TNXB: variants seen among roughly 807,000 people sequenced by gnomAD.
The protein encoded by TNXB is tenascin-X.
Under a neutral mutation model 340.5 loss-of-function variants are expected in TNXB, and 183 were observed. The ratio of observed to expected loss-of-function variants is 0.54; its 90% confidence interval spans 0.48 to 0.61. The LOEUF (loss-of-function observed/expected upper bound fraction) is 0.61. Among genes scored for constraint, TNXB ranks in the 20% least tolerant of loss-of-function variants. The pLI, the probability that TNXB is intolerant of heterozygous loss-of-function variation, is 0.00. For missense variants in TNXB, 4,613 were observed against 5,446.4 expected, an observed-to-expected ratio of 0.85 and a Z score of 4.82; for synonymous variants, 2,121 against 2,314.5, an observed-to-expected ratio of 0.92 and a Z score of 2.40.
At chr6:32,101,123 C>A (rs1025635240) in intron 1 of TNXB, among the ~76,000 whole-genome samples, 4 of 144,914 alleles carry the variant, frequency 2.8e-5, no homozygotes, top group Non-Finnish European at 4.6e-5. Context: ...ACAAAATAAG[C>A]CAAAATCAGG....
chr6:32,059,746 G>C (rs1025132572), intron 21 of TNXB, among the ~76,000 whole-genome samples: 1 of 152,020 alleles, frequency 6.6e-6, no homozygotes, highest in African/African-American at 2.4e-5. Flanking sequence ...AGGAATCGGG[G>C]ATGCCGATTG....
Position 32,048,574 on chromosome 6 carries a change from C to A in TNXB, c.9834G>T (p.Val3278=). The A allele has an allele frequency of 6.4e-7, 1 of 1,554,598 alleles. No individual in the cohort carries two copies. The highest frequency in any genetic ancestry group is 1.2e-5 in the South Asian group (1 of 82,728). Reference sequence around the variant, plus strand: ...CCTGGGCCACCGTCCATGAGAGGCCCACTGAGTCCGAGGTCACGGCCGCCA... The same window carrying A: ...CCTGGGCCACCGTCCATGAGAGGCCAACTGAGTCCGAGGTCACGGCCGCCA... ...LAVAAVTSDS[V]GLSWTVAQGP... The change falls in exon 29 of 44, where the codon GTG becomes GTT. Residue 3278 remains valine, a synonymous_variant. Coordinates refer to ENST00000644971, the MANE Select transcript of TNXB (RefSeq NM_001365276.2).
Position 32,064,572 on chromosome 6 carries a change from C to A in TNXB, c.6841+249G>T, listed in dbSNP as rs112369224. 6.6e-6 allele frequency among the ~76,000 whole-genome samples: 1 copy of A among 152,078 alleles called. No individual in the cohort carries two copies. Among genetic ancestry groups the A allele is most frequent in the Admixed American group, 6.5e-5 (1 of 15,272 alleles). On this transcript the variant is annotated intron_variant, in intron 19 of 43. Transcript: ENST00000644971. The surrounding 1 kb of genome is among the most constrained non-coding windows in gnomAD (Gnocchi z 5.3). ...AAATGGGCTGAAGCTATGGTCAACC[C>A]CAGGTGTGCCTCAGTCTGTGTTATT...
At chr6:32,059,431 A>AG (rs1337683361) in intron 21 of TNXB, among the ~76,000 whole-genome samples, 2 of 149,854 alleles carry the variant, frequency 1.3e-5, no homozygotes, top group East Asian at 1.9e-4. Flanking sequence ...AAAAAAAAAA[A>AG]AAAAAGAAAA....
chr6:32,099,365 T>C (rs1472796655), intron 1 of TNXB, among the ~76,000 whole-genome samples: 1 of 152,000 alleles, frequency 6.6e-6, no homozygotes, highest in Non-Finnish European at 1.5e-5. Context: ...CCTGAGTAGC[T>C]GGGATTATAG....
At chr6:32,053,231 C>T (rs1243312321) in intron 25 of TNXB, among the ~76,000 whole-genome samples, 157 bp downstream of exon 25, 1 of 152,076 alleles carries the variant, frequency 6.6e-6, no homozygotes, top group Non-Finnish European at 1.5e-5. Context: ...CCTTCTCCAC[C>T]CAGGAAGATC....
At position 32,084,558 on chromosome 6, in the gene TNXB, G is replaced by T; in HGVS notation, c.3300C>A (p.Asp1100Glu). ...CCACGGGCACCACCTGGGGCTGCCC[G>T]TCCCTGTCTTTGTACTGGATCACGA... ...DSFVIQYKDR[D>E]GQPQVVPVEG... Residue 1100 changes from aspartate to glutamate, a missense_variant, in exon 8 of 44, where the codon GAC becomes GAA. Transcript: ENST00000644971. This position sits in a 1 kb window ranked among gnomAD's most constrained non-coding sequence, Gnocchi z 5.5. 6.2e-7 allele frequency: 1 copy of T among 1,608,846 alleles called. No individual in the cohort carries two copies.
chr6:32,104,934 G>A (rs1780905999), intron 1 of TNXB, among the ~76,000 whole-genome samples: 1 of 152,122 alleles, frequency 6.6e-6, no homozygotes, highest in African/African-American at 2.4e-5. Flanking sequence ...ACTGTGTCCA[G>A]CCCTGACCCT....
Position 32,068,067 on chromosome 6 carries a change from A to G in TNXB, c.6221-83T>C. On this transcript the variant is annotated intron_variant, in intron 17 of 43. Transcript: ENST00000644971. This position sits in a 1 kb window ranked among gnomAD's most constrained non-coding sequence, Gnocchi z 5.3. Reference sequence around the variant, plus strand: ...GAGAAGCCAAGGCTATGACTGGGGGACCCGAGGTCAGTTCAGAGAGGCCTA... The same window carrying G: ...GAGAAGCCAAGGCTATGACTGGGGGGCCCGAGGTCAGTTCAGAGAGGCCTA... The G allele has an allele frequency of 3.9e-6, 6 of 1,524,490 alleles. No individual in the cohort carries two copies. The highest frequency in any genetic ancestry group is 4.4e-6 in the Non-Finnish European group (5 of 1,133,426). The allele number at this position is 1,524,490 out of a possible 1,614,324, so 94.4% of individuals were successfully genotyped here. A position where few individuals can be genotyped will look rare whatever the true frequency, so the allele number is the denominator to read the frequency against.
At chr6:32,093,033 A>G (rs1780150106) in intron 4 of TNXB, among the ~76,000 whole-genome samples, 1 of 152,244 alleles carries the variant, frequency 6.6e-6, no homozygotes, top group Non-Finnish European at 1.5e-5. Flanking sequence ...TGACAACACC[A>G]AGGATCGGTT....
rs779288094 is a variant in TNXB, at chr6:32,065,117, G to A, written c.6545C>T (p.Ala2182Val). The A allele has an allele frequency of 2.6e-6, 4 of 1,560,932 alleles. No individual in the cohort carries two copies. The highest frequency in any genetic ancestry group is 3.5e-6 in the Non-Finnish European group (4 of 1,151,330). The change falls in exon 19 of 44, where the codon GCC becomes GTC. Residue 2182 changes from alanine (A) to valine (V), a missense_variant and splice_region_variant. Physicochemically the swap from Ala to Val is moderately conservative, Grantham distance 64. This residue lies in a region of TNXB where 4,327 missense variants were observed against 4,859.4 expected (regional missense o/e 0.89). Coordinates refer to ENST00000644971, the MANE Select transcript of TNXB (RefSeq NM_001365276.2). ...AGCATCAGGGGACTCCTCTTCGGGG[G>A]CTAGGAAGAGATAGAAACAGAATCT... ...VGPVSAVGVT[A>V]PEEESPDAPL... is the part of the protein sequence containing the mutation.
rs770968411 is a variant in TNXB at position 32,096,081 on chromosome 6, G to A, written c.1772C>T (p.Pro591Leu). The A allele has an allele frequency of 3.1e-6, 5 of 1,611,698 alleles. No individual in the cohort carries two copies. Among genetic ancestry groups the A allele is most frequent in the Non-Finnish European group, 4.2e-6 (5 of 1,179,362 alleles). ...SGEDCGVRQC[P>L]NDCSQHGVCQ... Reference sequence around the variant, plus strand: ...CACGCCGTGCTGGCTGCAGTCATTCGGGCACTGCCTCACACCGCAATCCTC... The same window carrying A: ...CACGCCGTGCTGGCTGCAGTCATTCAGGCACTGCCTCACACCGCAATCCTC... The change falls in exon 3 of 44, where the codon CCG (proline) becomes CTG (leucine). Residue 591 changes from proline to leucine, a missense_variant. Pro to Leu is a moderately conservative substitution (Grantham distance 98, BLOSUM62 -3). Coordinates refer to ENST00000644971, the MANE Select transcript of TNXB (RefSeq NM_001365276.2).
chr6:32,052,802 C>T lies in TNXB; in HGVS notation c.8983G>A (p.Val2995Met), dbSNP rs1428504069. 6.2e-7 allele frequency: 1 copy of T among 1,613,748 alleles called. No individual in the cohort carries two copies. The highest frequency in any genetic ancestry group is 8.5e-7 in the Non-Finnish European group (1 of 1,179,880). ...QYKDRDGRPQ[V>M]VRVRGEESEV... ...CTCTCCTCGCCCCTGACACGCACCA[C>T]CTGGGGCCGCCCGTCCCTGTCCTTG... The change falls in exon 26 of 44, where the codon GTG becomes ATG. Residue 2995 changes from valine (V) to methionine (M), a missense_variant. By Grantham distance (21) the Val-to-Met change is conservative (BLOSUM62 1). Coordinates refer to ENST00000644971, the MANE Select transcript of TNXB (RefSeq NM_001365276.2). The surrounding 1 kb of genome is among the most constrained non-coding windows in gnomAD (Gnocchi z 4.7).
In TNXB at chr6:32,069,129, C is replaced by T; in HGVS notation, c.5595G>A (p.Arg1865=). The T allele has an allele frequency of 1.2e-6, 2 of 1,606,216 alleles. No homozygotes were observed. Among genetic ancestry groups the T allele is most frequent in the Non-Finnish European group, 1.7e-6 (2 of 1,178,078 alleles). ...PISAVAITAG[R]EETETETTAP... ...CCGTGGTCTCAGTTTCCGTTTCTTC[C>T]CTGCCGGCTGGTTCACAGAGACAGG... The change falls in exon 16 of 44, where the codon AGG becomes AGA. Residue 1865 remains arginine (R), a synonymous_variant. Coordinates refer to ENST00000644971, the MANE Select transcript of TNXB (RefSeq NM_001365276.2). The surrounding 1 kb of genome is among the most constrained non-coding windows in gnomAD (Gnocchi z 6.2).
rs764451909 is a variant in TNXB at position 32,081,570 on chromosome 6, T to C, written c.3840A>G (p.Ser1280=). The change falls in exon 10 of 44, where the codon TCA becomes TCG. Residue 1280 remains serine, a synonymous_variant. Coordinates refer to ENST00000644971, the MANE Select transcript of TNXB (RefSeq NM_001365276.2). The surrounding 1 kb of genome is among the most constrained non-coding windows in gnomAD (Gnocchi z 5.1). ...TGVTPDSLRL[S]WTVAQGPFDS... is the part of the protein sequence containing the mutation. The stretch of plus-strand genomic sequence containing the variant: ...CGAAGGGGCCCTGGGCCACTGTCCA[T>C]GAGAGACGCAAGGAGTCTGGGGTCA... 2 of 1,602,604 alleles carry C rather than the reference T, an allele frequency of 1.2e-6. No individual in the cohort carries two copies. Among genetic ancestry groups the C allele is most frequent in the African/African-American group, 1.3e-5 (1 of 74,750 alleles).
At position 32,097,840 on chromosome 6, in the gene TNXB, T is replaced by G; in HGVS notation, c.359A>C (p.Gln120Pro). The change falls in exon 2 of 44, where the codon CAG becomes CCG. Residue 120 changes from glutamine to proline, a missense_variant. This residue lies in a region of TNXB where 4,327 missense variants were observed against 4,859.4 expected (regional missense o/e 0.89). Transcript: ENST00000644971. The surrounding 1 kb of genome is among the most constrained non-coding windows in gnomAD (Gnocchi z 5.9). ...GGCAGGACAACATCCCCCAGTGCACTGTTCCTTGAGCCCCTTCACCAACTC... is the reference window on the plus strand; with the variant it reads ...GGCAGGACAACATCCCCCAGTGCACGGTTCCTTGAGCCCCTTCACCAACTC... Reference protein sequence around the residue: ...LEELVKGLKEQCTGGCCPASA... With the variant: ...LEELVKGLKEPCTGGCCPASA... 6.5e-7 allele frequency: 1 copy of G among 1,527,444 alleles called. No homozygotes were observed. The highest frequency in any genetic ancestry group is 8.8e-7 in the Non-Finnish European group (1 of 1,132,848). The allele number at this position is 1,527,444 out of a possible 1,614,324, so 94.6% of individuals were successfully genotyped here.
chr6:32,097,889 T>C lies in TNXB; in HGVS notation c.310A>G (p.Arg104Gly), dbSNP rs774066587. Residue 104 changes from arginine to glycine, a missense_variant, in exon 2 of 44, where the codon AGG becomes GGG. Physicochemically the swap from Arg to Gly is moderately radical, Grantham distance 125 (BLOSUM62 -2). This residue lies in a region of TNXB where 4,327 missense variants were observed against 4,859.4 expected (regional missense o/e 0.89). Coordinates refer to ENST00000644971, the MANE Select transcript of TNXB (RefSeq NM_001365276.2). The surrounding 1 kb of genome is among the most constrained non-coding windows in gnomAD (Gnocchi z 5.9). The stretch of plus-strand genomic sequence containing the variant: ...TCCTCCAGGATCTCTAGACGGACCC[T>C]CAGGGCCTGTACCTCTGAAGCAAGG... ...PVLASEVQAL[R>G]VRLEILEELV... The C allele has an allele frequency of 3.2e-6, 5 of 1,578,028 alleles. No homozygotes were observed. The Admixed American group carries it at 6.8e-5, about 21-fold the overall frequency.
chr6:32,041,644 G>A, intron 43 of TNXB, 127 bp downstream of exon 43: 1 of 1,123,202 alleles, frequency 8.9e-7, no homozygotes, highest in Non-Finnish European at 1.3e-6. Flanking sequence ...AGCTCCCTCT[G>A]CGAGGCTGGC....
Position 32,067,411 on chromosome 6 carries a change from C to T in TNXB, c.6544+250G>A, listed in dbSNP as rs1424328926. On this transcript the variant is annotated intron_variant, in intron 18 of 43. Coordinates refer to ENST00000644971, the MANE Select transcript of TNXB (RefSeq NM_001365276.2). The surrounding 1 kb of genome is among the most constrained non-coding windows in gnomAD (Gnocchi z 4.2). ...TTATGTATAGAGTTCCAAGGAAAAG[C>T]GGAGAGCCACAAACCAGCCAGTGAA... Among the ~76,000 whole-genome samples the T allele has an allele frequency of 2.0e-5, 3 of 152,178 alleles. No homozygotes were observed. The highest frequency in any genetic ancestry group is 6.5e-5 in the Admixed American group (1 of 15,282).
Sources: allele counts gnomAD v4.1 joint callset (sites outside exome capture counted in the v4.1 genomes callset), GRCh38; gene constraint gnomAD v4.1.1; regional missense constraint gnomAD v4.1.1; non-coding constraint Gnocchi (gnomAD v3.1); transcripts MANE v1.5; gene names NCBI Gene and HGNC (gene_info 2026-07-23, HGNC 2026-07-21).